Variants in TESK2 observed in about 807,000 individuals in gnomAD.
TESK2 encodes testis associated actin remodelling kinase 2.
In TESK2, 39 loss-of-function variants were observed where a neutral mutation model predicts 57.1. The observed-to-expected ratio is 0.68, with a 90% confidence interval of 0.53 to 0.89. The LOEUF is 0.89. Ranked by LOEUF, TESK2 falls within the 40% of genes least tolerant of loss-of-function variation. The probability of loss-of-function intolerance (pLI) is 0.00; values close to 1 mark genes in which losing one functional copy is unlikely to be tolerated. For missense variants in TESK2, 646 were observed against 732.1 expected (o/e 0.88, Z 1.36); for synonymous variants, 249 against 267.9 (o/e 0.93, Z 0.69).
At chr1:45,465,479 A>G (rs1652513625) in intron 1 of TESK2, among the ~76,000 whole-genome samples, 1 of 151,884 alleles carries the variant, frequency 6.6e-6, no homozygotes, top group African/African-American at 2.4e-5. Context: ...GAAGGAAGGA[A>G]AAAAGGAAAG....
chr1:45,395,703 C>G (rs561149068), intron 3 of TESK2, among the ~76,000 whole-genome samples: 1 of 151,568 alleles, frequency 6.6e-6, no homozygotes, highest in South Asian at 2.1e-4. Context: ...AACTCCTGGG[C>G]TCAAACAATC....
chr1:45,438,914 TCAA>T (rs1651334071), intron 2 of TESK2, among the ~76,000 whole-genome samples: 1 of 152,092 alleles, frequency 6.6e-6, no homozygotes, highest in Non-Finnish European at 1.5e-5. Flanking sequence ...ACAACAATAA[TCAA>T]CATTTAAAAG....
intron 2 of TESK2, among the ~76,000 whole-genome samples, chr1:45,452,484 A>G (rs1383842870): frequency 6.6e-6 from 1 of 152,230 alleles, no homozygotes; most frequent in East Asian, 1.9e-4. Flanking sequence ...TAAATGACCA[A>G]TAAACAAAAG....
At position 45,444,035 on chromosome 1, in the gene TESK2, C is replaced by T. The variant is rs74959905; in HGVS notation, c.222+13529G>A. On this transcript the variant is annotated intron_variant, in intron 2 of 10. Coordinates refer to ENST00000372086, the MANE Select transcript of TESK2 (RefSeq NM_007170.3). Reference sequence around the variant, plus strand: ...TCTACAAAAAAATTTAAAAATTAGCCGGGTGTGGTGGCACATGCCTGCAGT... The same window carrying T: ...TCTACAAAAAAATTTAAAAATTAGCTGGGTGTGGTGGCACATGCCTGCAGT... Among the ~76,000 whole-genome samples the T allele has an allele frequency of 6.1e-4, 93 of 152,098 alleles. No individual in the cohort carries two copies. The East Asian group carries it at 0.013, about 21-fold the overall frequency.
chr1:45,433,161 A>C (rs1651053721), intron 2 of TESK2, among the ~76,000 whole-genome samples: 1 of 121,366 alleles, frequency 8.2e-6, no homozygotes, highest in Admixed American at 1.1e-4. Flanking sequence ...TGCAACCTCC[A>C]CCTCCTGGGT....
intron 1 of TESK2, among the ~76,000 whole-genome samples, chr1:45,485,323 G>T (rs1653420049): frequency 1.3e-5 from 2 of 150,858 alleles, no homozygotes; most frequent in Admixed American, 1.3e-4. Context: ...GAGTAGCTGG[G>T]ACGACATACA....
At chr1:45,385,708 G>GTATATA (rs1485375534) in intron 4 of TESK2, among the ~76,000 whole-genome samples, 6 of 123,454 alleles carry the variant, frequency 4.9e-5, no homozygotes, top group African/African-American at 1.1e-4. Context: ...GTGTGTGTGT[G>GTATATA]TGTATATATA....
chr1:45,448,013 ATGTG>A (rs149120113), intron 2 of TESK2, among the ~76,000 whole-genome samples: 1 of 148,274 alleles, frequency 6.7e-6, no homozygotes, highest in Non-Finnish European at 1.5e-5. Flanking sequence ...GGAAGACTCA[ATGTG>A]TGTGTGTGTG....
chr1:45,477,482 C>G (rs1653043204), intron 1 of TESK2, among the ~76,000 whole-genome samples: 1 of 151,910 alleles, frequency 6.6e-6, no homozygotes, highest in African/African-American at 2.4e-5. Flanking sequence ...ATTAGCCGGG[C>G]ATGATGGCGG....
At chr1:45,413,253 C>T (rs1650105327) in intron 3 of TESK2, among the ~76,000 whole-genome samples, 1 of 152,094 alleles carries the variant, frequency 6.6e-6, no homozygotes, top group Non-Finnish European at 1.5e-5. Context: ...CATGTATAAA[C>T]AGAATACACA....
intron 1 of TESK2, among the ~76,000 whole-genome samples, chr1:45,486,779 G>GCATACA (rs1479785158): frequency 2.6e-5 from 1 of 38,324 alleles, no homozygotes; most frequent in Non-Finnish European, 4.5e-5. Context: ...TAGCCTCCCA[G>GCATACA]CATACACACA....
intron 5 of TESK2, 147 bp from the exon 6 acceptor site, chr1:45,348,147 G>T (rs1570634518): frequency 1.5e-6 from 1 of 649,050 alleles, no homozygotes; most frequent in African/African-American, 1.8e-5. Flanking sequence ...CCACTGGTCA[G>T]GTCAGGGGCT....
intron 3 of TESK2, among the ~76,000 whole-genome samples, chr1:45,394,605 G>C (rs1243019113): frequency 6.8e-6 from 1 of 146,690 alleles, no homozygotes; most frequent in African/African-American, 2.5e-5. Flanking sequence ...CAGACTACAT[G>C]CAGTGAGTAG....
intron 8 of TESK2, 25 bp from the exon 9 acceptor site, chr1:45,346,804 G>A (rs1021500835): frequency 1.2e-6 from 2 of 1,606,156 alleles, no homozygotes; most frequent in Non-Finnish European, 1.7e-6. Context: ...GGAAAGCATA[G>A]GTAGACAGTT....
At chr1:45,395,174 T>C (rs1431609908) in intron 3 of TESK2, among the ~76,000 whole-genome samples, 2 of 152,186 alleles carry the variant, frequency 1.3e-5, no homozygotes, top group Admixed American at 1.3e-4. Context: ...CCACATACCT[T>C]ACTTAACGAT....
At chr1:45,446,705 T>C (rs2149295848) in intron 2 of TESK2, among the ~76,000 whole-genome samples, 1 of 152,218 alleles carries the variant, frequency 6.6e-6, no homozygotes. Context: ...AGTAATTATT[T>C]GACTGTCAGG....
intron 5 of TESK2, among the ~76,000 whole-genome samples, chr1:45,352,962 G>C (rs889283741): frequency 3.3e-5 from 5 of 151,364 alleles, no homozygotes. Context: ...GCAGTGGCAC[G>C]ATCTCGGCTC....
At position 45,398,803 on chromosome 1, in the gene TESK2, GGGCAGAA is replaced by G. The variant is rs1044662517; in HGVS notation, c.345-12850_345-12844del. The G allele has an allele frequency of 3.4e-4, 124 of 361,412 alleles. No homozygotes were observed. The East Asian group carries it at 4.7e-3, about 14-fold the overall frequency. The allele number at this position is 361,412 out of a possible 1,614,324, so 22.4% of individuals were successfully genotyped here. ...CACTAAGTTCTGGCCAGTGGTATAT[GGGCAGAA>G]GTGATTATGTCATTTCTAGGCCTGT... On this transcript the variant is annotated intron_variant, in intron 3 of 10. Coordinates refer to ENST00000372086, the MANE Select transcript of TESK2 (RefSeq NM_007170.3).
intron 3 of TESK2, among the ~76,000 whole-genome samples, chr1:45,398,395 A>G (rs1190956934): frequency 6.6e-6 from 1 of 152,152 alleles, no homozygotes; most frequent in Non-Finnish European, 1.5e-5. Flanking sequence ...TACAAAAAAA[A>G]TTAGCTGGGT....
Sources: gnomAD v4.1 joint callset for allele counts (sites outside exome capture counted in the v4.1 genomes callset) on GRCh38, gnomAD v4.1.1 for gene constraint, MANE v1.5 for transcripts, NCBI Gene and HGNC (gene_info 2026-07-23, HGNC 2026-07-21) for gene names.